Variants in NBEA observed in about 807,000 individuals in gnomAD.
NBEA encodes neurobeachin, also known as lysosomal-trafficking regulator 2.
Under a neutral mutation model 343.4 loss-of-function variants are expected in NBEA, and 44 were observed. The ratio of observed to expected loss-of-function variants is 0.13; its 90% CI spans 0.10 to 0.16. The LOEUF is 0.16. Ranked by LOEUF, NBEA falls within the 10% of genes least tolerant of loss-of-function variation. The pLI is 1.00. For synonymous variants in NBEA, 1,175 were observed against 1,238.7 expected, an observed-to-expected ratio of 0.95 and a Z score of 1.08; for missense variants, 2,555 against 3,631.3, an observed-to-expected ratio of 0.70 and a Z score of 7.62.
At chr13:35,087,090 A>T (rs973531350) in intron 10 of NBEA, among the ~76,000 whole-genome samples, 2 of 151,638 alleles carry the variant, frequency 1.3e-5, no homozygotes, top group African/African-American at 4.8e-5. Flanking sequence ...CTCCAGTTCA[A>T]ACACAAATTG....
At chr13:35,295,246 G>T (rs1594108808) in intron 35 of NBEA, among the ~76,000 whole-genome samples, 1 of 151,036 alleles carries the variant, frequency 6.6e-6, no homozygotes, top group South Asian at 2.1e-4. Flanking sequence ...ATAAAATATT[G>T]TAGTGTGTTA....
chr13:35,308,836 A>G (rs1453937610), intron 35 of NBEA, among the ~76,000 whole-genome samples: 1 of 151,226 alleles, frequency 6.6e-6, no homozygotes, highest in Non-Finnish European at 1.5e-5. Context: ...TTTCTAATCC[A>G]AAATACTTCA....
chr13:35,577,129 G>T (rs1191982067), intron 45 of NBEA, among the ~76,000 whole-genome samples: 1 of 152,144 alleles, frequency 6.6e-6, no homozygotes, highest in Non-Finnish European at 1.5e-5. Flanking sequence ...TGATGTCTTT[G>T]TAACCCCGCT....
intron 10 of NBEA, among the ~76,000 whole-genome samples, chr13:35,077,107 A>G (rs181197818): frequency 1.3e-5 from 2 of 152,178 alleles, no homozygotes; most frequent in East Asian, 3.9e-4. Flanking sequence ...TAATGAATGG[A>G]ATTTTCAAGA....
At chr13:35,625,989 A>G (rs1398597351) in intron 48 of NBEA, among the ~76,000 whole-genome samples, 2 of 152,190 alleles carry the variant, frequency 1.3e-5, no homozygotes, top group Non-Finnish European at 2.9e-5. Flanking sequence ...ATTCTCAGAA[A>G]GATCCAAAAG....
At chr13:35,124,793 CATAT>C (rs202058859) in intron 17 of NBEA, among the ~76,000 whole-genome samples, 1 of 151,124 alleles carries the variant, frequency 6.6e-6, no homozygotes, top group African/African-American at 2.4e-5. Flanking sequence ...TATATACACA[CATAT>C]ATGGATATAT....
intron 41 of NBEA, among the ~76,000 whole-genome samples, chr13:35,504,980 C>T (rs371953961): frequency 6.6e-6 from 1 of 152,044 alleles, no homozygotes; most frequent in Admixed American, 6.6e-5. Flanking sequence ...CTACGATTAT[C>T]GGAACCTCAT....
chr13:35,241,138 C>G (rs997806968), intron 34 of NBEA, among the ~76,000 whole-genome samples: 31 of 151,662 alleles, frequency 2.0e-4, no homozygotes, highest in Middle Eastern at 3.4e-3. Context: ...TAAGCTTTAT[C>G]TTAAATTTCT....
chr13:35,102,572 TTCTG>T (rs2065698777), intron 11 of NBEA, among the ~76,000 whole-genome samples: 1 of 151,808 alleles, frequency 6.6e-6, no homozygotes, highest in Non-Finnish European at 1.5e-5. Context: ...ATGGAACAGT[TTCTG>T]TCTTTTTGAT....
chr13:35,449,463 T>C (rs1361691846), intron 39 of NBEA, among the ~76,000 whole-genome samples: 1 of 152,114 alleles, frequency 6.6e-6, no homozygotes, highest in Non-Finnish European at 1.5e-5. Flanking sequence ...GACAATTAGC[T>C]CAGTAAGAGA....
At position 35,025,940 on chromosome 13, in the gene NBEA, T is replaced by C. The variant is rs1223486419; in HGVS notation, c.295-14993T>C. On this transcript the variant is annotated intron_variant, in intron 1 of 58. Coordinates refer to ENST00000379939, the MANE Select transcript of NBEA (RefSeq NM_001385012.1). ...ATTAGCTCCTTATTCCTATTCTAAG[T>C]GAACAAATTCTTTTGCATTTTGATT... Among the ~76,000 whole-genome samples, 2 of 152,172 alleles carry C rather than the reference T, an allele frequency of 1.3e-5. 1 individual carries two copies. Among genetic ancestry groups the C allele is most frequent in the Admixed American group, 1.3e-4 (2 of 15,262 alleles).
intron 38 of NBEA, among the ~76,000 whole-genome samples, chr13:35,367,229 C>A (rs1211086024): frequency 6.6e-6 from 1 of 150,882 alleles, no homozygotes; most frequent in Non-Finnish European, 1.5e-5. Flanking sequence ...AGAAACCTAA[C>A]AAAATGAGGG....
intron 41 of NBEA, among the ~76,000 whole-genome samples, chr13:35,523,981 C>T (rs1014773446): frequency 6.6e-6 from 1 of 151,984 alleles, no homozygotes; most frequent in Non-Finnish European, 1.5e-5. Flanking sequence ...CTTACATTGG[C>T]TTTCTATTTT....
At chr13:35,284,048 T>C (rs574679732) in intron 34 of NBEA, among the ~76,000 whole-genome samples, 1 of 151,718 alleles carries the variant, frequency 6.6e-6, no homozygotes, top group Non-Finnish European at 1.5e-5. Context: ...CATCTTGGGA[T>C]GAGTAAATAG....
chr13:35,445,816 A>ATATATG (rs1417532688), intron 39 of NBEA, among the ~76,000 whole-genome samples: 1 of 100,402 alleles, frequency 1.0e-5, no homozygotes, highest in African/African-American at 3.9e-5. Flanking sequence ...ATATATATAT[A>ATATATG]TGTATATATA....
At chr13:35,527,047 C>T (rs1222341911) in intron 41 of NBEA, among the ~76,000 whole-genome samples, 1 of 152,106 alleles carries the variant, frequency 6.6e-6, no homozygotes, top group Non-Finnish European at 1.5e-5. Context: ...TCTCTTCTCT[C>T]CTTCTTATCT....
rs148545534 is a variant in NBEA at position 35,493,745 on chromosome 13, G to A, written c.6585+21209G>A. Among the ~76,000 whole-genome samples the A allele has an allele frequency of 1.4e-4, 22 of 152,024 alleles. No individual in the cohort carries two copies. In the East Asian group the frequency reaches 4.1e-3, roughly 28 times the overall value. ...CCTGCCCTGTGTGATGAAGGCATTG[G>A]AGTAGATGATTTCCCTTCTAAAATT... On this transcript the variant is annotated intron_variant, in intron 41 of 58. Transcript: ENST00000379939.
chr13:35,654,381 C>T (rs2084703004), intron 53 of NBEA, among the ~76,000 whole-genome samples: 1 of 152,192 alleles, frequency 6.6e-6, no homozygotes, highest in Admixed American at 6.5e-5. Flanking sequence ...AACAACATCC[C>T]TTGCTCAAAT....
At chr13:35,560,909 A>G (rs9600954) in intron 44 of NBEA, among the ~76,000 whole-genome samples, 4,002 of 151,646 alleles carry the variant, frequency 0.026, 176 homozygotes, top group African/African-American at 0.091. Flanking sequence ...AGTGTATCCA[A>G]AGCAGGATTG....
Sources: gnomAD v4.1 joint callset for allele counts (sites outside exome capture counted in the v4.1 genomes callset) on GRCh38, gnomAD v4.1.1 for gene constraint, MANE v1.5 for transcripts, NCBI Gene and HGNC (gene_info 2026-07-23, HGNC 2026-07-21) for gene names.